Variants in NXPE2 observed in about 807,000 individuals in gnomAD.
NXPE2 encodes NXPE family member 2.
Under a neutral mutation model 34.4 loss-of-function variants are expected in NXPE2, and 34 were observed. The observed-to-expected ratio is 0.99, with a 90% confidence interval of 0.75 to 1.31. The LOEUF (loss-of-function observed/expected upper bound fraction) is 1.31, where lower values mean the gene tolerates loss of function less well. Ranked by LOEUF, NXPE2 falls within the 40% of genes most tolerant of loss-of-function variation. NXPE2 has a pLI of 0.00. For synonymous variants in NXPE2, 235 were observed against 231.3 expected (o/e 1.02, Z -0.15); for missense variants, 649 against 672.5 (o/e 0.97, Z 0.39).
At chr11:114,800,337 A>G in the NXPE2 span, among the ~76,000 whole-genome samples, 7 of 152,346 alleles carry the variant, frequency 4.6e-5, no homozygotes, top group South Asian at 8.3e-4. Flanking sequence ...ATGTCTCAAC[A>G]TCACTGTGAG....
the NXPE2 span, among the ~76,000 whole-genome samples, chr11:114,654,680 A>G: frequency 6.6e-6 from 1 of 152,162 alleles, no homozygotes; most frequent in East Asian, 1.9e-4. Context: ...ATAGTATTCC[A>G]TGGTGTATAT....
chr11:114,578,627 C>A, the NXPE2 span, among the ~76,000 whole-genome samples: 1 of 152,178 alleles, frequency 6.6e-6, no homozygotes, highest in Non-Finnish European at 1.5e-5. Flanking sequence ...AGTTTGAGAT[C>A]ATGAGTGGCC....
At chr11:114,767,850 G>A in the NXPE2 span, among the ~76,000 whole-genome samples, 7 of 152,286 alleles carry the variant, frequency 4.6e-5, no homozygotes, top group African/African-American at 1.4e-4. Context: ...TGTCTATGAT[G>A]TAGTGTAGTG....
rs1472795175 is a variant in NXPE2, at chr11:114,698,382, C to T, written c.470C>T (p.Thr157Ile). 1.9e-6 allele frequency: 3 copies of T among 1,613,882 alleles called. No homozygotes were observed. The highest frequency in any genetic ancestry group is 1.7e-5 in the Admixed American group (1 of 59,992). Residue 157 changes from threonine (T) to isoleucine (I), a missense_variant, in exon 3 of 6, where the codon ACA (threonine) becomes ATA (isoleucine). Transcript: ENST00000389586. Reference sequence around the variant, plus strand: ...TTCCTGAGGGCCAGGATGTACTCCACAGCACTAATGGCAGGTGCTTCAGGA... The same window carrying T: ...TTCCTGAGGGCCAGGATGTACTCCATAGCACTAATGGCAGGTGCTTCAGGA... The part of the protein sequence containing the change: ...GDFLRARMYS[T>I]ALMAGASGKV...
chr11:114,771,048 T>C, the NXPE2 span, among the ~76,000 whole-genome samples: 1 of 152,128 alleles, frequency 6.6e-6, no homozygotes, highest in Admixed American at 6.6e-5. Flanking sequence ...TTAGGTGATA[T>C]TATAGATGAT....
At chr11:114,687,885 C>A (rs1424022291) in intron 2 of NXPE2, among the ~76,000 whole-genome samples, 2 of 151,958 alleles carry the variant, frequency 1.3e-5, no homozygotes, top group East Asian at 1.9e-4. Context: ...AATAGTTTCT[C>A]AGCTTGAACA....
chr11:114,532,078 C>T, the NXPE2 span, among the ~76,000 whole-genome samples: 1 of 152,196 alleles, frequency 6.6e-6, no homozygotes, highest in South Asian at 2.1e-4. Flanking sequence ...CATCCCCTCT[C>T]ACACTTTAGA....
At chr11:114,622,624 G>C in the NXPE2 span, among the ~76,000 whole-genome samples, 1 of 151,592 alleles carries the variant, frequency 6.6e-6, no homozygotes, top group Non-Finnish European at 1.5e-5. Context: ...CTGTTACCCA[G>C]TGGATAATAA....
At chr11:114,495,100 T>TG in the NXPE2 span, among the ~76,000 whole-genome samples, 2 of 152,134 alleles carry the variant, frequency 1.3e-5, no homozygotes, top group Admixed American at 6.5e-5. Flanking sequence ...TGCCTGGAGC[T>TG]GGGGGAGGAG....
At chr11:114,512,003 T>C in the NXPE2 span, among the ~76,000 whole-genome samples, 1 of 152,136 alleles carries the variant, frequency 6.6e-6, no homozygotes, top group African/African-American at 2.4e-5. Context: ...TTTGTAGCAA[T>C]GCAAAACAAA....
At chr11:114,527,897 T>G in the NXPE2 span, 1 of 1,555,866 alleles carries the variant, frequency 6.4e-7, no homozygotes, top group African/African-American at 2.0e-5. Flanking sequence ...ACTCCCACTT[T>G]GGACCTTCAA....
At chr11:114,580,387 G>C in the NXPE2 span, 7 of 1,527,570 alleles carry the variant, frequency 4.6e-6, no homozygotes, top group Non-Finnish European at 6.3e-6. Flanking sequence ...CAAATTACCC[G>C]TCAGTATGTA....
At chr11:114,575,005 G>A in the NXPE2 span, among the ~76,000 whole-genome samples, 5 of 152,068 alleles carry the variant, frequency 3.3e-5, no homozygotes, top group African/African-American at 1.2e-4. Context: ...TGATCAAGTG[G>A]GTTTCATACC....
chr11:114,582,502 C>G, the NXPE2 span: 3 of 1,614,126 alleles, frequency 1.9e-6, no homozygotes, highest in South Asian at 3.3e-5. Context: ...ACAAACTGGC[C>G]AGTGAAGATC....
the NXPE2 span, among the ~76,000 whole-genome samples, chr11:114,752,724 G>A: frequency 2.5e-4 from 38 of 152,278 alleles, no homozygotes; most frequent in African/African-American, 8.9e-4. Flanking sequence ...AGACAGGAAC[G>A]ACTGTGGGAG....
At chr11:114,786,365 C>CCT in the NXPE2 span, among the ~76,000 whole-genome samples, 1 of 130,846 alleles carries the variant, frequency 7.6e-6, no homozygotes. Flanking sequence ...ACCCCCGCCC[C>CCT]CCGCCCCACC....
the NXPE2 span, chr11:114,526,807 A>C: frequency 6.6e-6 from 1 of 152,314 alleles, no homozygotes; most frequent in African/African-American, 2.4e-5. Context: ...GGTCCATGCA[A>C]TATTTTCCCC....
the NXPE2 span, among the ~76,000 whole-genome samples, chr11:114,468,244 T>A: frequency 1.3e-5 from 2 of 152,072 alleles, no homozygotes; most frequent in Non-Finnish European, 2.9e-5. Flanking sequence ...CACATTTGAT[T>A]TAGAGGGATG....
chr11:114,622,713 A>C, the NXPE2 span, among the ~76,000 whole-genome samples: 1 of 150,798 alleles, frequency 6.6e-6, no homozygotes, highest in Non-Finnish European at 1.5e-5. Flanking sequence ...CCCGGTGGAT[A>C]ATACGTGTTC....
Sources: gnomAD v4.1 joint callset for allele counts (sites outside exome capture counted in the v4.1 genomes callset) on GRCh38, gnomAD v4.1.1 for gene constraint, MANE v1.5 for transcripts, NCBI Gene and HGNC (gene_info 2026-07-23, HGNC 2026-07-21) for gene names.